Variants in COL6A3 observed in about 807,000 individuals in gnomAD.
COL6A3 encodes the protein collagen alpha-3(VI) chain.
COL6A3 carries 137 observed loss-of-function variants against 274.1 expected under a neutral mutation model. The ratio of observed to expected loss-of-function variants is 0.50; its 90% CI spans 0.44 to 0.58. The LOEUF is 0.58. Among genes scored for constraint, COL6A3 ranks in the 20% least tolerant of loss-of-function variants. The pLI is 0.00. For missense variants in COL6A3, 3,950 were observed against 4,124.9 expected (o/e 0.96, Z 1.16); for synonymous variants, 1,650 against 1,650.6 (o/e 1.00, Z 0.01).
Position 237,364,969 on chromosome 2 carries a change from T to C in COL6A3, c.5839-541A>G, listed in dbSNP as rs1306634747. On this transcript the variant is annotated intron_variant, in intron 12 of 43. Transcript: ENST00000295550. The surrounding 1 kb of genome is among the most constrained non-coding windows in gnomAD (Gnocchi z 4.6). ...TGCATGTGTTATGGGCTAAATTGTGTCCCCTCAAAATTTGTATGTTAAGTC... is the reference window on the plus strand; with the variant it reads ...TGCATGTGTTATGGGCTAAATTGTGCCCCCTCAAAATTTGTATGTTAAGTC... 6.6e-6 allele frequency among the ~76,000 whole-genome samples: 1 copy of C among 151,588 alleles called. No homozygotes were observed. Among genetic ancestry groups the C allele is most frequent in the East Asian group, 1.9e-4 (1 of 5,174 alleles).
chr2:237,391,017 T>C (rs1238290185), intron 3 of COL6A3, among the ~76,000 whole-genome samples: 3 of 152,214 alleles, frequency 2.0e-5, no homozygotes, highest in African/African-American at 7.2e-5. Context: ...GTGTGTTTTA[T>C]AATCAAGAAC....
At chr2:237,327,178 C>T (rs1346305265) in intron 42 of COL6A3, 3 of 152,192 alleles carry the variant, frequency 2.0e-5, no homozygotes, top group Admixed American at 2.0e-4. Flanking sequence ...GTAATTTAAC[C>T]ATCAAAATTT....
chr2:237,373,225 C>T (rs760645708), intron 8 of COL6A3, among the ~76,000 whole-genome samples: 5 of 152,136 alleles, frequency 3.3e-5, no homozygotes, highest in South Asian at 2.1e-4. Flanking sequence ...AAGCTGCACC[C>T]GCACTGTGAC....
intron 4 of COL6A3, among the ~76,000 whole-genome samples, chr2:237,383,788 C>A (rs568899654): frequency 6.6e-6 from 1 of 152,096 alleles, no homozygotes; most frequent in Non-Finnish European, 1.5e-5. Context: ...TACCCTCCCA[C>A]GTTTTCCCTC....
At chr2:237,331,254 T>C (rs995675115) in intron 42 of COL6A3, among the ~76,000 whole-genome samples, 31 of 152,336 alleles carry the variant, frequency 2.0e-4, no homozygotes, top group African/African-American at 7.0e-4. Context: ...GCAGTTATTA[T>C]CTTTTTTTAG....
At position 237,344,300 on chromosome 2, in the gene COL6A3, C is replaced by T. The variant is rs2077052822; in HGVS notation, c.7668+50G>A. 1.2e-6 allele frequency: 2 copies of T among 1,613,606 alleles called. No homozygotes were observed. Among genetic ancestry groups the T allele is most frequent in the African/African-American group, 1.3e-5 (1 of 74,930 alleles). Reference sequence around the variant, plus strand: ...GCATGGACGTGTCTGAGAACCTTCTCAGAGCCCCAGAAGAAAGGGAGATGC... The same window carrying T: ...GCATGGACGTGTCTGAGAACCTTCTTAGAGCCCCAGAAGAAAGGGAGATGC... On this transcript the variant is annotated intron_variant, in intron 36 of 43. Coordinates refer to ENST00000295550, the MANE Select transcript of COL6A3 (RefSeq NM_004369.4). This position sits in a 1 kb window ranked among gnomAD's most constrained non-coding sequence, Gnocchi z 4.8.
chr2:237,351,650 T>A (rs921353196), intron 26 of COL6A3, among the ~76,000 whole-genome samples: 2 of 152,198 alleles, frequency 1.3e-5, no homozygotes, highest in Non-Finnish European at 2.9e-5. Flanking sequence ...AACCCACAAA[T>A]AACATAAAAG....
At chr2:237,363,146 C>T in intron 14 of COL6A3, 107 bp downstream of exon 14, 1 of 1,113,474 alleles carries the variant, frequency 9.0e-7, no homozygotes, top group Non-Finnish European at 1.4e-6. Flanking sequence ...TACCAAGGCC[C>T]CCCCCCCACC....
chr2:237,375,153 G>A (rs2077803778), intron 7 of COL6A3, 133 bp from the exon 8 acceptor site: 5 of 1,347,764 alleles, frequency 3.7e-6, no homozygotes, highest in Non-Finnish European at 5.1e-6. Context: ...GGACTTTGCA[G>A]ATGTGATTCA....
At chr2:237,396,921 G>A in intron 1 of COL6A3, 74 bp from the exon 2 acceptor site, 1 of 1,019,122 alleles carries the variant, frequency 9.8e-7, no homozygotes, top group South Asian at 1.3e-5. Flanking sequence ...AAAATCCCAT[G>A]CTTTCTACGT....
intron 25 of COL6A3, 122 bp from the exon 26 acceptor site, chr2:237,352,706 C>A (rs2077233163): frequency 2.4e-6 from 2 of 833,038 alleles, no homozygotes; most frequent in Non-Finnish European, 4.1e-6. Flanking sequence ...AAACGGCCAC[C>A]AAAACCCACA....
At chr2:237,351,051 AC>A in intron 27 of COL6A3, 78 bp downstream of exon 27, 2 of 1,376,802 alleles carry the variant, frequency 1.5e-6, no homozygotes, top group South Asian at 1.2e-5. Context: ...GGACAGACAG[AC>A]TGACCAAAGA....
intron 2 of COL6A3, among the ~76,000 whole-genome samples, chr2:237,395,833 A>G (rs1308306458): frequency 6.6e-6 from 1 of 152,212 alleles, no homozygotes; most frequent in Non-Finnish European, 1.5e-5. Context: ...CATATTTTTC[A>G]GAGCCAGAAA....
At position 237,339,041 on chromosome 2, in the gene COL6A3, G is replaced by A. The variant is rs539332029; in HGVS notation, c.8541C>T (p.Asn2847=). The A allele has an allele frequency of 1.9e-6, 3 of 1,614,060 alleles. No individual in the cohort carries two copies. Among genetic ancestry groups the A allele is most frequent in the East Asian group, 4.5e-5 (2 of 44,878 alleles). Residue 2847 remains asparagine, a synonymous_variant, in exon 39 of 44, where the codon AAC becomes AAT. Transcript: ENST00000295550. Reference sequence around the variant, plus strand: ...CTTGTTTGTGACCAAACTTCACAAGGTTCTTTGTGGGTTGGTCCCCTTGGA... The same window carrying A: ...CTTGTTTGTGACCAAACTTCACAAGATTCTTTGTGGGTTGGTCCCCTTGGA... The part of the protein sequence containing the change: ...DWFQGDQPTK[N]LVKFGHKQVN...
chr2:237,401,492 A>C (rs2106397504), intron 1 of COL6A3, among the ~76,000 whole-genome samples: 1 of 152,256 alleles, frequency 6.6e-6, no homozygotes, highest in Admixed American at 6.5e-5. Flanking sequence ...GAAATTGATT[A>C]TAGATTTCCA....
Position 237,361,067 on chromosome 2 carries a change from G to C in COL6A3, c.6210+54C>G. Reference sequence around the variant, plus strand: ...TGAAATCCACAATGCAATCCCAATGGGTAAGGATCAAGGAGGGGGTGAAAT... The same window carrying C: ...TGAAATCCACAATGCAATCCCAATGCGTAAGGATCAAGGAGGGGGTGAAAT... On this transcript the variant is annotated intron_variant, in intron 16 of 43. Coordinates refer to ENST00000295550, the MANE Select transcript of COL6A3 (RefSeq NM_004369.4). This position sits in a 1 kb window ranked among gnomAD's most constrained non-coding sequence, Gnocchi z 5.1. 7.1e-7 allele frequency: 1 copy of C among 1,402,488 alleles called. No homozygotes were observed. Among genetic ancestry groups the C allele is most frequent in the Non-Finnish European group, 1.0e-6 (1 of 987,026 alleles). The allele number at this position is 1,402,488 out of a possible 1,614,324, so 86.9% of individuals were successfully genotyped here. A position where few individuals can be genotyped will look rare whatever the true frequency, so the allele number is the denominator to read the frequency against.
chr2:237,380,057 C>G (rs868267015), intron 5 of COL6A3, among the ~76,000 whole-genome samples: 12 of 152,132 alleles, frequency 7.9e-5, no homozygotes, highest in Non-Finnish European at 1.8e-4. Context: ...GACCTCACAA[C>G]TAATTGTATC....
chr2:237,408,722 A>C (rs1371273203), intron 1 of COL6A3, among the ~76,000 whole-genome samples: 1 of 152,210 alleles, frequency 6.6e-6, no homozygotes, highest in African/African-American at 2.4e-5. Context: ...TTCCCTGGCC[A>C]CTTGCAATTC....
chr2:237,336,162 T>G lies in COL6A3; in HGVS notation c.8938A>C (p.Thr2980Pro). Reference protein sequence around the residue: ...PRPQAAKPAATKPATTKPMVK... With the variant: ...PRPQAAKPAAPKPATTKPMVK... ...ATGGGCTTAGTGGTGGCTGGCTTGG[T>G]GGCAGCTGGTTTGGCTGCCTGTGGC... is the stretch of plus-strand genomic sequence containing the variant. The change falls in exon 40 of 44, where the codon ACC becomes CCC. Residue 2980 changes from threonine to proline, a missense_variant. Physicochemically the swap from Thr to Pro is conservative, Grantham distance 38. Transcript: ENST00000295550. The G allele has an allele frequency of 6.2e-7, 1 of 1,613,424 alleles. No individual in the cohort carries two copies.
Sources: allele counts gnomAD v4.1 joint callset (sites outside exome capture counted in the v4.1 genomes callset), GRCh38; gene constraint gnomAD v4.1.1; non-coding constraint Gnocchi (gnomAD v3.1); transcripts MANE v1.5; gene names NCBI Gene and HGNC (gene_info 2026-07-23, HGNC 2026-07-21).